The following NAALADL2 variants were observed in gnomAD, a reference collection of about 807,000 sequenced individuals.
The protein encoded by NAALADL2 is N-acetylated alpha-linked acidic dipeptidase like 2, also known as inactive N-acetylated-alpha-linked acidic dipeptidase-like protein 2.
In NAALADL2, 76 loss-of-function variants were observed where a neutral mutation model predicts 87.2. The observed-to-expected ratio is 0.87, with a 90% CI of 0.72 to 1.05. NAALADL2 has a LOEUF of 1.05. NAALADL2 is among the 50% of genes least tolerant of loss of function. The pLI is 0.00. For synonymous variants in NAALADL2, 354 were observed against 331.0 expected, an observed-to-expected ratio of 1.07 and a Z score of -0.75; for missense variants, 1,089 against 945.8, an observed-to-expected ratio of 1.15 and a Z score of -1.99.
intron 1 of NAALADL2, among the ~76,000 whole-genome samples, chr3:174,487,885 G>A (rs1367589693): frequency 1.3e-5 from 2 of 151,958 alleles, no homozygotes; most frequent in Non-Finnish European, 2.9e-5. Context: ...CATGATCAGA[G>A]CTGCATTTCG....
chr3:175,222,839 A>G (rs184058727), intron 2 of NAALADL2, among the ~76,000 whole-genome samples: 4 of 152,286 alleles, frequency 2.6e-5, no homozygotes, highest in East Asian at 3.9e-4. Context: ...CAAAGAAAAA[A>G]CATTTAGAGA....
intron 5 of NAALADL2, among the ~76,000 whole-genome samples, chr3:175,446,351 C>T (rs1005872551): frequency 3.3e-5 from 5 of 152,198 alleles, no homozygotes; most frequent in African/African-American, 9.6e-5. Flanking sequence ...AAGCTATTCT[C>T]CTGCCTCGGC....
intron 2 of NAALADL2, among the ~76,000 whole-genome samples, chr3:175,227,436 C>G (rs1171563867): frequency 2.0e-5 from 3 of 151,898 alleles, no homozygotes; most frequent in African/African-American, 7.2e-5. Context: ...CCGTGGAAAC[C>G]CTTATTTTAA....
intron 5 of NAALADL2, among the ~76,000 whole-genome samples, chr3:175,442,362 T>C (rs1719935973): frequency 6.6e-6 from 1 of 152,130 alleles, no homozygotes; most frequent in South Asian, 2.1e-4. Context: ...CCAGATGAGA[T>C]TGAAGTGGGC....
rs150458602 is a variant in NAALADL2 at position 175,434,069 on chromosome 3, A to T, written c.1091-13160A>T. Among the ~76,000 whole-genome samples, 277 of 152,086 alleles carry T rather than the reference A, an allele frequency of 1.8e-3. 2 individuals carry two copies. Among genetic ancestry groups the T allele is most frequent in the African/African-American group, 5.6e-3 (232 of 41,516 alleles). ...TACATGTGACTAAGAGCAAAAATTA[A>T]TTTTAATAATATTGTAAGAAACCAG... On this transcript the variant is annotated intron_variant, in intron 5 of 13. Transcript: ENST00000454872.
intron 1 of NAALADL2, among the ~76,000 whole-genome samples, chr3:174,987,598 A>AAAAAAAAAC (rs1746100487): frequency 7.4e-6 from 1 of 135,790 alleles, no homozygotes; most frequent in Admixed American, 7.3e-5. Flanking sequence ...AAAAAAAAAA[A>AAAAAAAAAC]CAATACTCAT....
chr3:175,502,703 C>T (rs1729727335), intron 9 of NAALADL2, among the ~76,000 whole-genome samples: 1 of 151,968 alleles, frequency 6.6e-6, no homozygotes. Context: ...CTCTCAATCC[C>T]AGTATACATA....
At chr3:174,978,216 A>C (rs1744627727) in intron 1 of NAALADL2, among the ~76,000 whole-genome samples, 1 of 152,218 alleles carries the variant, frequency 6.6e-6, no homozygotes, top group Admixed American at 6.5e-5. Flanking sequence ...AAGCGTGACA[A>C]TGTGTTTAGA....
At chr3:174,820,869 A>T (rs901384471) in intron 3 of NAALADL2, among the ~76,000 whole-genome samples, 2 of 152,170 alleles carry the variant, frequency 1.3e-5, no homozygotes, top group African/African-American at 4.8e-5. Flanking sequence ...ATTCATTTTC[A>T]TAACTAATTT....
At chr3:174,716,146 T>A (rs1318667873) in intron 2 of NAALADL2, among the ~76,000 whole-genome samples, 2 of 152,172 alleles carry the variant, frequency 1.3e-5, no homozygotes, top group Non-Finnish European at 1.5e-5. Context: ...ACAAATAGAA[T>A]ATCCTTAATT....
chr3:175,181,797 G>A (rs1052472955), intron 2 of NAALADL2, among the ~76,000 whole-genome samples: 8 of 134,184 alleles, frequency 6.0e-5, no homozygotes, highest in South Asian at 2.3e-4. Flanking sequence ...ATGTGTGTGT[G>A]TATATATATG....
At chr3:175,065,336 G>A (rs1714354636) in intron 1 of NAALADL2, among the ~76,000 whole-genome samples, 1 of 152,170 alleles carries the variant, frequency 6.6e-6, no homozygotes, top group African/African-American at 2.4e-5. Context: ...GTATGCTGCA[G>A]AGCTTTGTAA....
intron 13 of NAALADL2, among the ~76,000 whole-genome samples, chr3:175,791,791 T>A (rs545015154): frequency 6.1e-4 from 93 of 151,764 alleles, no homozygotes; most frequent in African/African-American, 2.0e-3. Flanking sequence ...TCAATAAATT[T>A]ATTTTTTTCT....
chr3:175,104,282 T>G (rs1722725064), intron 2 of NAALADL2, among the ~76,000 whole-genome samples: 1 of 152,172 alleles, frequency 6.6e-6, no homozygotes, highest in Admixed American at 6.5e-5. Flanking sequence ...ATAGGTAAAC[T>G]GGCTGTGGAA....
intron 5 of NAALADL2, among the ~76,000 whole-genome samples, chr3:175,393,160 G>C (rs1027972463): frequency 1.9e-3 from 282 of 150,518 alleles, no homozygotes; most frequent in African/African-American, 6.6e-3. Flanking sequence ...TGTAGTCCCA[G>C]CTACTCGGGA....
chr3:175,503,471 G>C (rs576954466), intron 9 of NAALADL2, among the ~76,000 whole-genome samples: 14 of 152,258 alleles, frequency 9.2e-5, no homozygotes, highest in African/African-American at 3.4e-4. Context: ...AGGTGGAATG[G>C]TAATTCTGTT....
intron 3 of NAALADL2, among the ~76,000 whole-genome samples, chr3:174,841,046 AAGAAG>A (rs1723973047): frequency 6.8e-6 from 1 of 146,410 alleles, no homozygotes; most frequent in South Asian, 2.2e-4. Context: ...ATTAAAAAAA[AAGAAG>A]AAGAAGAAGA....
chr3:175,436,006 C>A (rs927598758), intron 5 of NAALADL2, among the ~76,000 whole-genome samples: 5 of 118,176 alleles, frequency 4.2e-5, no homozygotes, highest in Non-Finnish European at 8.7e-5. Flanking sequence ...CCCCCTCCCC[C>A]CACCCCACCA....
intron 1 of NAALADL2, among the ~76,000 whole-genome samples, chr3:174,985,284 G>A (rs547437325): frequency 6.6e-4 from 100 of 152,316 alleles, no homozygotes; most frequent in Admixed American, 1.1e-3. Flanking sequence ...TGGCGGAAAT[G>A]ATGTGAAAAT....
Sources: allele counts gnomAD v4.1 joint callset (sites outside exome capture counted in the v4.1 genomes callset), GRCh38; gene constraint gnomAD v4.1.1; transcripts MANE v1.5; gene names NCBI Gene and HGNC (gene_info 2026-07-23, HGNC 2026-07-21).